CTNNA3: variants seen among roughly 807,000 people sequenced by gnomAD.
CTNNA3 encodes catenin alpha-3.
In CTNNA3, 76 loss-of-function variants were observed where a neutral mutation model predicts 95.7. That is an observed-to-expected ratio of 0.79 (90% CI 0.66 to 0.96). The LOEUF is 0.96. CTNNA3 is among the 40% of genes least tolerant of loss of function. The pLI is 0.00. For missense variants in CTNNA3, 1,191 were observed against 1,089.8 expected, an observed-to-expected ratio of 1.09 and a Z score of -1.31; for synonymous variants, 431 against 374.4, an observed-to-expected ratio of 1.15 and a Z score of -1.74.
intron 7 of CTNNA3, among the ~76,000 whole-genome samples, chr10:67,056,552 C>A (rs1855442824): frequency 6.6e-6 from 1 of 152,138 alleles, no homozygotes; most frequent in African/African-American, 2.4e-5. Context: ...CATCAAAGGA[C>A]AGGTTTGAAT....
chr10:66,293,790 C>T (rs1402387424), intron 12 of CTNNA3, among the ~76,000 whole-genome samples: 1 of 151,716 alleles, frequency 6.6e-6, no homozygotes, highest in Non-Finnish European at 1.5e-5. Flanking sequence ...GTCAGCCTCC[C>T]GAGTAGCTGG....
At chr10:66,462,111 T>C (rs2093534027) in intron 11 of CTNNA3, among the ~76,000 whole-genome samples, 1 of 152,040 alleles carries the variant, frequency 6.6e-6, no homozygotes, top group South Asian at 2.1e-4. Context: ...CGCCCAGCCA[T>C]GTGTCTCCAA....
intron 11 of CTNNA3, among the ~76,000 whole-genome samples, chr10:66,395,493 T>C (rs896154847): frequency 1.3e-5 from 2 of 151,216 alleles, no homozygotes; most frequent in Non-Finnish European, 2.9e-5. Flanking sequence ...CTACATGGAA[T>C]TGGACAACAA....
chr10:66,582,965 TC>T (rs1371906762), intron 10 of CTNNA3, among the ~76,000 whole-genome samples: 5 of 151,976 alleles, frequency 3.3e-5, no homozygotes, highest in African/African-American at 1.2e-4. Flanking sequence ...TGTTAAACCA[TC>T]TCTGCATCCC....
At chr10:66,489,741 AT>A (rs769476400) in intron 11 of CTNNA3, among the ~76,000 whole-genome samples, 4 of 152,276 alleles carry the variant, frequency 2.6e-5, no homozygotes, top group Non-Finnish European at 5.9e-5. Flanking sequence ...ATTCAACTAG[AT>A]ACTTCAGGAA....
chr10:67,681,426 A>G (rs907343613), intron 1 of CTNNA3, among the ~76,000 whole-genome samples: 2 of 152,132 alleles, frequency 1.3e-5, no homozygotes, highest in African/African-American at 4.8e-5. Flanking sequence ...AAAAAAGGTG[A>G]TTCTTAAATA....
chr10:66,626,324 T>C (rs533608786), intron 9 of CTNNA3, among the ~76,000 whole-genome samples: 2 of 152,240 alleles, frequency 1.3e-5, no homozygotes, highest in South Asian at 4.1e-4. Flanking sequence ...AACCTTGATG[T>C]TTGCTGAGAT....
chr10:67,536,567 T>C (rs1447581167), intron 4 of CTNNA3, among the ~76,000 whole-genome samples: 2 of 152,158 alleles, frequency 1.3e-5, no homozygotes, highest in Non-Finnish European at 2.9e-5. Context: ...GCTAATATTG[T>C]CATAAACATT....
intron 10 of CTNNA3, among the ~76,000 whole-genome samples, chr10:66,543,903 GTGTGTGTGTATATATATATATATA>G (rs60439909): frequency 0.12 from 5,416 of 44,658 alleles, 301 homozygotes; most frequent in African/African-American, 0.16. Context: ...CTTGAGATGT[GTGTGTGTGTATATATATATATATA>G]TATATATATA....
intron 11 of CTNNA3, among the ~76,000 whole-genome samples, chr10:66,449,743 G>A (rs543468411): frequency 3.2e-4 from 49 of 151,974 alleles, no homozygotes; most frequent in African/African-American, 4.8e-4. Context: ...CTCAAAGTCC[G>A]GCAATATATC....
chr10:66,877,216 T>C (rs1844659356), intron 7 of CTNNA3, among the ~76,000 whole-genome samples: 1 of 152,140 alleles, frequency 6.6e-6, no homozygotes. Context: ...GGGCACTGTG[T>C]TCTGGCCTAT....
At chr10:66,347,671 T>C (rs574889012) in intron 12 of CTNNA3, among the ~76,000 whole-genome samples, 3 of 151,712 alleles carry the variant, frequency 2.0e-5, no homozygotes, top group South Asian at 2.1e-4. Context: ...GAAATATATA[T>C]GTTTAAAAAA....
intron 1 of CTNNA3, among the ~76,000 whole-genome samples, chr10:67,748,613 T>TG (rs1841385694): frequency 6.6e-6 from 1 of 152,060 alleles, no homozygotes; most frequent in South Asian, 2.1e-4. Context: ...GTGCTAAATA[T>TG]GGAAAGGAAA....
chr10:65,940,720 G>T (rs563011385), intron 17 of CTNNA3, among the ~76,000 whole-genome samples: 1 of 152,220 alleles, frequency 6.6e-6, no homozygotes, highest in East Asian at 1.9e-4. Flanking sequence ...AAGCAGTTGA[G>T]GGATTTTCAG....
chr10:66,775,321 ACT>A (rs1411572127), intron 8 of CTNNA3, 121 bp downstream of exon 8: 2 of 565,242 alleles, frequency 3.5e-6, no homozygotes, highest in Non-Finnish European at 5.8e-6. Context: ...GTATATATTT[ACT>A]CTTTTTTTCC....
intron 13 of CTNNA3, among the ~76,000 whole-genome samples, chr10:66,229,711 G>A (rs1342191738): frequency 6.7e-6 from 1 of 150,278 alleles, no homozygotes; most frequent in Non-Finnish European, 1.5e-5. Flanking sequence ...ACCTGTTTGG[G>A]TTGAATTTAT....
At chr10:66,848,064 G>A (rs762828582) in intron 7 of CTNNA3, among the ~76,000 whole-genome samples, 1 of 152,152 alleles carries the variant, frequency 6.6e-6, no homozygotes, top group African/African-American at 2.4e-5. Context: ...GAACATGGCA[G>A]AGGATCTGGA....
Position 65,920,576 on chromosome 10 carries a change from T to G in CTNNA3, c.2442A>C (p.Leu814Phe), listed in dbSNP as rs1230389938. The change falls in exon 18 of 18, where the codon TTA becomes TTC. Residue 814 changes from leucine to phenylalanine, a missense_variant. Physicochemically the swap from Leu to Phe is conservative, Grantham distance 22. Transcript: ENST00000433211. Reference protein sequence around the residue: ...VTSLIQAAKNLMNAVVQTVKM... With the variant: ...VTSLIQAAKNFMNAVVQTVKM... ...TCACTGTTTGCACTACAGCATTCATTAAATTTTTGGCTGCTTGGATCAGGG... is the reference window on the plus strand; with the variant it reads ...TCACTGTTTGCACTACAGCATTCATGAAATTTTTGGCTGCTTGGATCAGGG... 4.3e-6 allele frequency: 7 copies of G among 1,614,052 alleles called. No individual in the cohort carries two copies. Among genetic ancestry groups the G allele is most frequent in the Non-Finnish European group, 5.9e-6 (7 of 1,180,006 alleles).
chr10:67,465,694 T>C (rs1211435974), intron 5 of CTNNA3, among the ~76,000 whole-genome samples: 1 of 152,142 alleles, frequency 6.6e-6, no homozygotes, highest in Non-Finnish European at 1.5e-5. Flanking sequence ...AGAGAACTAC[T>C]GCCTATCAGA....
Sources: gnomAD v4.1 joint callset for allele counts (sites outside exome capture counted in the v4.1 genomes callset) on GRCh38, gnomAD v4.1.1 for gene constraint, MANE v1.5 for transcripts, NCBI Gene and HGNC (gene_info 2026-07-23, HGNC 2026-07-21) for gene names.